The following NUMA1 variants were observed in gnomAD, a reference collection of about 807,000 sequenced individuals.
The protein encoded by NUMA1 is nuclear mitotic apparatus protein 1.
A neutral mutation model predicts 237.1 loss-of-function variants in NUMA1; 62 were observed. That is an observed-to-expected ratio of 0.26 (90% CI 0.21 to 0.32). NUMA1 has a LOEUF of 0.32. NUMA1 is among the 10% of genes least tolerant of loss of function. The pLI, the probability that NUMA1 is intolerant of heterozygous loss-of-function variation, is 1.00. For missense variants in NUMA1, 2,533 were observed against 2,666.5 expected (o/e 0.95, Z 1.10); for synonymous variants, 1,028 against 1,066.1 (o/e 0.96, Z 0.70).
intron 2 of NUMA1, among the ~76,000 whole-genome samples, chr11:72,047,355 G>A (rs1457460639): frequency 6.6e-6 from 1 of 152,106 alleles, no homozygotes; most frequent in Non-Finnish European, 1.5e-5. Context: ...AGACATGGTG[G>A]TGTGTGCCTG....
intron 2 of NUMA1, among the ~76,000 whole-genome samples, chr11:72,043,758 CATAT>C (rs1333969143): frequency 2.6e-5 from 4 of 151,988 alleles, no homozygotes; most frequent in Non-Finnish European, 5.9e-5. Flanking sequence ...AAATGTTTTA[CATAT>C]AAGATAACCA....
At chr11:72,052,647 C>T (rs1942432677) in intron 2 of NUMA1, among the ~76,000 whole-genome samples, 1 of 151,924 alleles carries the variant, frequency 6.6e-6, no homozygotes, top group South Asian at 2.1e-4. Context: ...GCCTGTAATC[C>T]CAGCTACTCA....
Position 72,034,483 on chromosome 11 carries a change from C to T in NUMA1, c.42+1419G>A, listed in dbSNP as rs549424968. Among the ~76,000 whole-genome samples the T allele has an allele frequency of 4.6e-5, 7 of 151,766 alleles. No individual in the cohort carries two copies. In the East Asian group the frequency reaches 9.7e-4, roughly 21 times the overall value. ...CAGCACTTTGGGAGGTCAAGGAGGG[C>T]GGACCACGAGGTCAGGAGATCGAGA... On this transcript the variant is annotated intron_variant, in intron 3 of 26. Coordinates refer to ENST00000393695, the MANE Select transcript of NUMA1 (RefSeq NM_006185.4).
intron 2 of NUMA1, chr11:72,039,625 C>G (rs1379450595): frequency 6.6e-6 from 1 of 152,322 alleles, no homozygotes; most frequent in Non-Finnish European, 1.5e-5. Flanking sequence ...CAGAACCCCA[C>G]CCCCTTCTCC....
At chr11:72,004,143 C>A (rs763717889) in intron 25 of NUMA1, 44 bp from the exon 26 acceptor site, 3 of 1,610,286 alleles carry the variant, frequency 1.9e-6, no homozygotes, top group Non-Finnish European at 2.5e-6. Context: ...ATGCTGCCTT[C>A]CCAGGCCAGC....
Position 72,036,464 on chromosome 11 carries a change from C to T in NUMA1, c.-32-489G>A, listed in dbSNP as rs566933950. 3.3e-5 allele frequency among the ~76,000 whole-genome samples: 5 copies of T among 152,312 alleles called. No individual in the cohort carries two copies. The South Asian group carries it at 8.3e-4, about 25-fold the overall frequency. On this transcript the variant is annotated intron_variant, in intron 2 of 26. Coordinates refer to ENST00000393695, the MANE Select transcript of NUMA1 (RefSeq NM_006185.4). ...ATGCTTAAAGATAAAGCAAATAGTA[C>T]GGTGCCTGGCACATGGTAGGTTGTC... is the stretch of plus-strand genomic sequence containing the variant.
intron 11 of NUMA1, 38 bp downstream of exon 11, chr11:72,018,358 G>A: frequency 6.2e-7 from 1 of 1,607,186 alleles, no homozygotes; most frequent in Non-Finnish European, 8.5e-7. Context: ...GTGAGGGGAG[G>A]GGCTGGGGCC....
intron 3 of NUMA1, among the ~76,000 whole-genome samples, chr11:72,030,337 A>G (rs1940130240): frequency 6.6e-6 from 1 of 151,572 alleles, no homozygotes; most frequent in Non-Finnish European, 1.5e-5. Context: ...CCCTGTCTCC[A>G]AAGGAAAAAA....
At chr11:72,058,734 CAT>C (rs775900780) in intron 2 of NUMA1, among the ~76,000 whole-genome samples, 31 of 152,310 alleles carry the variant, frequency 2.0e-4, no homozygotes, top group Non-Finnish European at 4.3e-4. Flanking sequence ...CAAGACAAGA[CAT>C]GTGATAGTTA....
Position 72,006,028 on chromosome 11 carries a change from C to T in NUMA1, c.5692+7G>A, listed in dbSNP as rs770576876. 6.2e-7 allele frequency: 1 copy of T among 1,605,298 alleles called. No homozygotes were observed. Among genetic ancestry groups the T allele is most frequent in the Non-Finnish European group, 8.5e-7 (1 of 1,173,246 alleles). On this transcript the variant is annotated splice_region_variant and intron_variant, in intron 22 of 26. Coordinates refer to ENST00000393695, the MANE Select transcript of NUMA1 (RefSeq NM_006185.4). ...TGGGGTATAGTAAGTCCCTGTAGTC[C>T]CCTCACCTGGAGGGGCCCCACTGGA...
intron 2 of NUMA1, chr11:72,068,606 G>C (rs781333039): frequency 1.3e-5 from 2 of 152,110 alleles, no homozygotes; most frequent in Admixed American, 6.6e-5. Flanking sequence ...GGGTGACAGA[G>C]AGAGACCCTG....
intron 2 of NUMA1, among the ~76,000 whole-genome samples, chr11:72,046,170 C>G (rs989432551): frequency 6.6e-6 from 1 of 152,248 alleles, no homozygotes; most frequent in Non-Finnish European, 1.5e-5. Flanking sequence ...ACAGCCTAGA[C>G]AGGCAGCAGG....
At chr11:72,029,705 G>A (rs948127725) in intron 3 of NUMA1, among the ~76,000 whole-genome samples, 6 of 152,156 alleles carry the variant, frequency 3.9e-5, no homozygotes, top group Non-Finnish European at 8.8e-5. Flanking sequence ...TGTATTTCTT[G>A]AACGTTTACA....
At chr11:72,064,427 C>T (rs1161287476) in intron 2 of NUMA1, among the ~76,000 whole-genome samples, 2 of 151,736 alleles carry the variant, frequency 1.3e-5, no homozygotes, top group Non-Finnish European at 2.9e-5. Context: ...GCAACTGTAC[C>T]ACTGCACTCC....
intron 20 of NUMA1, chr11:72,007,687 C>T (rs918930409): frequency 1.8e-6 from 1 of 541,046 alleles, no homozygotes; most frequent in Non-Finnish European, 3.3e-6. Flanking sequence ...CCACCAGATG[C>T]CCATGGCTGC....
At chr11:72,049,974 T>A (rs1275809776) in intron 2 of NUMA1, among the ~76,000 whole-genome samples, 1 of 151,994 alleles carries the variant, frequency 6.6e-6, no homozygotes, top group East Asian at 1.9e-4. Context: ...TCAAAAAAAA[T>A]AGCAAATCTC....
intron 2 of NUMA1, among the ~76,000 whole-genome samples, chr11:72,048,145 G>C (rs1047441533): frequency 6.6e-6 from 1 of 152,018 alleles, no homozygotes; most frequent in Non-Finnish European, 1.5e-5. Context: ...CGCCCAGGTT[G>C]GGGTGCAGTG....
Position 72,018,982 on chromosome 11 carries a change from T to A in NUMA1, c.585-2A>T. On this transcript the variant is annotated splice_acceptor_variant, in intron 9 of 26. Transcript: ENST00000393695. LOFTEE classifies it high-confidence loss of function. ...GAAGCTGGAGAACCTGAGAGAAAGC[T>A]GAGGAGGGAGAAGGCCCATATGCAT... The A allele has an allele frequency of 6.2e-7, 1 of 1,613,636 alleles. No homozygotes were observed. Among genetic ancestry groups the A allele is most frequent in the Non-Finnish European group, 8.5e-7 (1 of 1,179,936 alleles).
chr11:72,008,445 T>C (rs1314191463), intron 20 of NUMA1: 3 of 527,646 alleles, frequency 5.7e-6, no homozygotes, highest in African/African-American at 1.9e-5. Flanking sequence ...CTCGTCAACC[T>C]GGCACACACA....
Sources: allele counts gnomAD v4.1 joint callset (sites outside exome capture counted in the v4.1 genomes callset), GRCh38; gene constraint gnomAD v4.1.1; transcripts MANE v1.5; gene names NCBI Gene and HGNC (gene_info 2026-07-23, HGNC 2026-07-21).